Variants in MDN1 observed in about 807,000 individuals in gnomAD.
MDN1 encodes the protein midasin.
A neutral mutation model predicts 669.2 loss-of-function variants in MDN1; 266 were observed. The ratio of observed to expected loss-of-function variants is 0.40; its 90% CI spans 0.36 to 0.44. The LOEUF (loss-of-function observed/expected upper bound fraction) is 0.44. MDN1 is among the 20% of genes least tolerant of loss of function. The pLI, the probability that MDN1 is intolerant of heterozygous loss-of-function variation, is 1.00. For missense variants in MDN1, 5,940 were observed against 6,754.0 expected (o/e 0.88, Z 4.22); for synonymous variants, 2,385 against 2,457.1 (o/e 0.97, Z 0.87).
At chr6:89,803,900 T>TTTTG (rs1562237286) in intron 1 of MDN1, among the ~76,000 whole-genome samples, 41 of 91,144 alleles carry the variant, frequency 4.5e-4, no homozygotes, top group African/African-American at 1.9e-3. Flanking sequence ...CTTTTCTTTT[T>TTTTG]TTTTTTTTTT....
intron 90 of MDN1, among the ~76,000 whole-genome samples, 186 bp from the exon 91 acceptor site, chr6:89,656,987 G>C (rs141292180): frequency 6.6e-6 from 1 of 152,348 alleles, no homozygotes; most frequent in Non-Finnish European, 1.5e-5. Flanking sequence ...AGAAACAGGA[G>C]TGTCTAGGTA....
At chr6:89,658,942 G>T in intron 88 of MDN1, 25 bp from the exon 89 acceptor site, 1 of 1,561,636 alleles carries the variant, frequency 6.4e-7, no homozygotes, top group South Asian at 1.2e-5. Context: ...CAAAAAGGAG[G>T]AGTGCAGAAT....
At chr6:89,663,069 A>T (rs759410939) in intron 85 of MDN1, 102 bp from the exon 86 acceptor site, 6 of 1,292,452 alleles carry the variant, frequency 4.6e-6, no homozygotes, top group Non-Finnish European at 6.5e-6. Context: ...GCCCCACCTG[A>T]GATTTATTGC....
intron 23 of MDN1, among the ~76,000 whole-genome samples, 173 bp from the exon 24 acceptor site, chr6:89,750,705 T>C (rs1473221330): frequency 6.6e-6 from 1 of 152,170 alleles, no homozygotes; most frequent in Non-Finnish European, 1.5e-5. Context: ...CAGGCTCAAG[T>C]GATCCTCCCA....
At chr6:89,752,360 G>C (rs529636825) in intron 22 of MDN1, among the ~76,000 whole-genome samples, 56 of 152,248 alleles carry the variant, frequency 3.7e-4, no homozygotes, top group African/African-American at 1.3e-3. Context: ...AATGGTAAAA[G>C]CAAACCTGAG....
chr6:89,791,875 AT>A (rs66492732), intron 5 of MDN1, among the ~76,000 whole-genome samples: 12,352 of 113,812 alleles, frequency 0.11, 312 homozygotes, highest in Middle Eastern at 0.15. Flanking sequence ...AAAACTTTTA[AT>A]TTTTTTTTTT....
At chr6:89,812,937 C>CA (rs200263907) in intron 1 of MDN1, among the ~76,000 whole-genome samples, 6 of 151,262 alleles carry the variant, frequency 4.0e-5, no homozygotes, top group Middle Eastern at 3.4e-3. Flanking sequence ...CCCATCTCTA[C>CA]AAAAATTTTT....
At chr6:89,800,128 A>G (rs1217114479) in intron 2 of MDN1, among the ~76,000 whole-genome samples, 1 of 151,486 alleles carries the variant, frequency 6.6e-6, no homozygotes, top group African/African-American at 2.4e-5. Flanking sequence ...AATTAAAAAG[A>G]AAAAAAAAGG....
At chr6:89,804,817 G>A (rs1767904721) in intron 1 of MDN1, among the ~76,000 whole-genome samples, 1 of 151,938 alleles carries the variant, frequency 6.6e-6, no homozygotes, top group Non-Finnish European at 1.5e-5. Context: ...GGATCACGAG[G>A]TCAGGAGATC....
Position 89,720,441 on chromosome 6 carries a change from A to T in MDN1, c.5968-1216T>A, listed in dbSNP as rs1354711689. ...AATTCCCAATCTAGCTCTTTGGTTT[A>T]GCTTTATAAAATCAAAATTCCATTC... On this transcript the variant is annotated intron_variant, in intron 40 of 101. Coordinates refer to ENST00000369393, the MANE Select transcript of MDN1 (RefSeq NM_014611.3). Among the ~76,000 whole-genome samples, 3 of 151,448 alleles carry T rather than the reference A, an allele frequency of 2.0e-5. No individual in the cohort carries two copies. The East Asian group carries it at 5.8e-4, about 29-fold the overall frequency.
intron 83 of MDN1, among the ~76,000 whole-genome samples, chr6:89,669,686 G>A (rs961630390): frequency 2.0e-5 from 3 of 152,110 alleles, no homozygotes; most frequent in Non-Finnish European, 2.9e-5. Flanking sequence ...ATGCATATTA[G>A]TATAGGCAGA....
chr6:89,716,279 T>C (rs1193056254), intron 44 of MDN1, among the ~76,000 whole-genome samples: 1 of 152,230 alleles, frequency 6.6e-6, no homozygotes, highest in Non-Finnish European at 1.5e-5. Flanking sequence ...CTGATGGCCA[T>C]TTAATAAATG....
At chr6:89,812,826 C>T (rs1768525782) in intron 1 of MDN1, among the ~76,000 whole-genome samples, 1 of 152,044 alleles carries the variant, frequency 6.6e-6, no homozygotes, top group Non-Finnish European at 1.5e-5. Context: ...AGGCTGGGTG[C>T]GGTGGCTCCT....
In MDN1 at chr6:89,725,740, CTTTTT is replaced by C. The variant is rs11371433; in HGVS notation, c.5473-349_5473-345del. ...TGTGCACCACCACATCCAGCTAATT[CTTTTT>C]TTTTTTTTTTTGGTAGAGCCAAGGT... On this transcript the variant is annotated intron_variant, in intron 37 of 101. Transcript: ENST00000369393. Among the ~76,000 whole-genome samples, 418 of 137,232 alleles carry C rather than the reference CTTTTT, an allele frequency of 3.0e-3. 1 individual carries two copies. The highest frequency in any genetic ancestry group is 0.011 in the African/African-American group (401 of 37,148). 90.0% of individuals were successfully genotyped at this position (137,232 alleles called of 152,430 possible). A position where few individuals can be genotyped will look rare whatever the true frequency, so the allele number is the denominator to read the frequency against.
At chr6:89,719,635 G>A (rs966722934) in intron 40 of MDN1, among the ~76,000 whole-genome samples, 5 of 152,130 alleles carry the variant, frequency 3.3e-5, no homozygotes, top group Non-Finnish European at 7.4e-5. Flanking sequence ...CACCTCCTAT[G>A]TACCAAACAC....
Position 89,712,204 on chromosome 6 carries a change from G to A in MDN1, c.7483C>T (p.Pro2495Ser). The change falls in exon 49 of 102, where the codon CCT becomes TCT. Residue 2495 changes from proline (P) to serine (S), a missense_variant. By Grantham distance (74) the Pro-to-Ser change is moderately conservative. Coordinates refer to ENST00000369393, the MANE Select transcript of MDN1 (RefSeq NM_014611.3). ...ACTGCATTGAATTTCAGGTTCTCAG[G>A]GCTGGGGGACTGCATAATTTTCTCT... Reference protein sequence around the residue: ...DLEKIMQSPSPENLKFNAVEV... With the variant: ...DLEKIMQSPSSENLKFNAVEV... 6.2e-7 allele frequency: 1 copy of A among 1,614,096 alleles called. No homozygotes were observed. Among genetic ancestry groups the A allele is most frequent in the Non-Finnish European group, 8.5e-7 (1 of 1,179,998 alleles).
chr6:89,692,830 C>A lies in MDN1; in HGVS notation c.10200G>T (p.Leu3400=). Residue 3400 remains leucine, a synonymous_variant, in exon 63 of 102, where the codon CTG becomes CTT. Transcript: ENST00000369393. ...GTTGTAACTGCAATATGGATGCCTGCAGTGGGCTCACGGCATCTGGATAGA... is the reference window on the plus strand; with the variant it reads ...GTTGTAACTGCAATATGGATGCCTGAAGTGGGCTCACGGCATCTGGATAGA... ...YTFYPDAVSP[L]QASILQLQHG... 6.2e-7 allele frequency: 1 copy of A among 1,614,238 alleles called. No homozygotes were observed. The highest frequency in any genetic ancestry group is 8.5e-7 in the Non-Finnish European group (1 of 1,180,038).
intron 33 of MDN1, among the ~76,000 whole-genome samples, chr6:89,734,691 A>AACGAGAGAGAGAGAGAGAG: frequency 8.8e-6 from 1 of 112,996 alleles, no homozygotes; most frequent in Non-Finnish European, 1.7e-5. Context: ...AAAAAAAAAC[A>AACGAGAGAGAGAGAGAGAG]AGAGAGAGAG....
chr6:89,664,338 G>T, intron 85 of MDN1, 149 bp downstream of exon 85: 1 of 854,412 alleles, frequency 1.2e-6, no homozygotes, highest in Non-Finnish European at 1.8e-6. Flanking sequence ...GATAGCACAT[G>T]CAGCTGCTGA....
Sources: allele counts gnomAD v4.1 joint callset (sites outside exome capture counted in the v4.1 genomes callset), GRCh38; gene constraint gnomAD v4.1.1; transcripts MANE v1.5; gene names NCBI Gene and HGNC (gene_info 2026-07-23, HGNC 2026-07-21).